PLPP1: variants seen among roughly 807,000 people sequenced by gnomAD.
PLPP1 encodes the protein lipid phosphate phosphohydrolase 1a.
A neutral mutation model predicts 31.2 loss-of-function variants in PLPP1; 24 were observed. The observed-to-expected ratio is 0.77, with a 90% CI of 0.56 to 1.08. The LOEUF is 1.08. Among genes scored for constraint, PLPP1 ranks in the 50% least tolerant of loss-of-function variants. The pLI, the probability that PLPP1 is intolerant of heterozygous loss-of-function variation, is 0.00. For missense variants in PLPP1, 319 were observed against 342.7 expected (o/e 0.93, Z 0.55); for synonymous variants, 146 against 126.3 (o/e 1.16, Z -1.05).
intron 3 of PLPP1, among the ~76,000 whole-genome samples, chr5:55,454,980 T>C (rs947371313): frequency 2.6e-5 from 4 of 152,202 alleles, no homozygotes; most frequent in African/African-American, 7.2e-5. Flanking sequence ...TTTCCTATGA[T>C]AGAAGGCATT....
intron 1 of PLPP1, among the ~76,000 whole-genome samples, chr5:55,482,225 C>CACACAT (rs1255161391): frequency 2.0e-5 from 3 of 149,614 alleles, no homozygotes; most frequent in African/African-American, 4.9e-5. Flanking sequence ...CACACACACA[C>CACACAT]ATCTCCAGTC....
chr5:55,530,975 T>TCGATGCCCTACAACAA (rs1349927215), intron 1 of PLPP1, among the ~76,000 whole-genome samples: 1 of 151,340 alleles, frequency 6.6e-6, no homozygotes, highest in African/African-American at 2.5e-5. Context: ...GGCCCGGGGC[T>TCGATGCCCTACAACAA]CGATGCCCTA....
At chr5:55,479,287 A>C (rs552312815) in intron 1 of PLPP1, among the ~76,000 whole-genome samples, 89 of 152,316 alleles carry the variant, frequency 5.8e-4, no homozygotes, top group African/African-American at 2.0e-3. Context: ...TTAGTCTCCC[A>C]AAGTGCTGGG....
chr5:55,459,631 C>T (rs1752107665), intron 3 of PLPP1, among the ~76,000 whole-genome samples: 2 of 152,110 alleles, frequency 1.3e-5, no homozygotes, highest in Admixed American at 6.6e-5. Flanking sequence ...AATTAGAAAT[C>T]GATGACAGAA....
At chr5:55,532,366 A>T (rs963242469) in intron 1 of PLPP1, among the ~76,000 whole-genome samples, 1 of 152,184 alleles carries the variant, frequency 6.6e-6, no homozygotes. Flanking sequence ...TTACAAATTG[A>T]TCGAACTCCC....
chr5:55,524,449 C>T (rs1377262246), intron 1 of PLPP1, among the ~76,000 whole-genome samples: 2 of 152,090 alleles, frequency 1.3e-5, no homozygotes, highest in Non-Finnish European at 2.9e-5. Flanking sequence ...CCTGTTTAAT[C>T]GCCAAGAGCA....
At chr5:55,458,709 G>A (rs1177466616) in intron 3 of PLPP1, among the ~76,000 whole-genome samples, 1 of 151,622 alleles carries the variant, frequency 6.6e-6, no homozygotes, top group African/African-American at 2.4e-5. Flanking sequence ...CCAACATGGT[G>A]AAACCCCATC....
chr5:55,425,751 G>T, intron 5 of PLPP1, 112 bp downstream of exon 5: 2 of 968,828 alleles, frequency 2.1e-6, no homozygotes, highest in Non-Finnish European at 3.0e-6. Context: ...TGAGATTCTT[G>T]CCCACTGCAT....
At chr5:55,467,455 G>A (rs1307918976) in intron 3 of PLPP1, among the ~76,000 whole-genome samples, 3 of 151,690 alleles carry the variant, frequency 2.0e-5, no homozygotes, top group Non-Finnish European at 4.4e-5. Flanking sequence ...GGAGGCCAAG[G>A]TGGAAGGATC....
chr5:55,496,618 T>C (rs1753008480), intron 1 of PLPP1, among the ~76,000 whole-genome samples: 1 of 152,224 alleles, frequency 6.6e-6, no homozygotes, highest in African/African-American at 2.4e-5. Flanking sequence ...CTTCAAATTA[T>C]CCAGCTTGAA....
rs535189038 is a variant in PLPP1, at chr5:55,490,410, A to C, written c.59-14960T>G. Among the ~76,000 whole-genome samples the C allele has an allele frequency of 2.0e-5, 3 of 152,170 alleles. No homozygotes were observed. The South Asian group carries it at 6.2e-4, about 32-fold the overall frequency. On this transcript the variant is annotated intron_variant, in intron 1 of 5. Coordinates refer to ENST00000307259, the MANE Select transcript of PLPP1 (RefSeq NM_003711.4). ...GGTGATCAGCCCATCTCGGCCTCCC[A>C]AAGTGCTGGGATTACAGGTGTGAGC...
At chr5:55,458,854 C>T (rs555891738) in intron 3 of PLPP1, among the ~76,000 whole-genome samples, 36 of 127,410 alleles carry the variant, frequency 2.8e-4, no homozygotes, top group African/African-American at 1.1e-3. Flanking sequence ...TGCCACTGCA[C>T]TCCAGTCTGG....
chr5:55,481,633 T>G (rs562924780), intron 1 of PLPP1, among the ~76,000 whole-genome samples: 1 of 152,162 alleles, frequency 6.6e-6, no homozygotes, highest in African/African-American at 2.4e-5. Flanking sequence ...ACCCACGGAA[T>G]AGAAAGAACT....
At chr5:55,437,899 A>C (rs1175871510) in intron 4 of PLPP1, among the ~76,000 whole-genome samples, 2 of 152,244 alleles carry the variant, frequency 1.3e-5, no homozygotes, top group African/African-American at 4.8e-5. Context: ...GCTAGGAGGT[A>C]TACAGTGAAT....
intron 2 of PLPP1, 114 bp downstream of exon 2, chr5:55,475,185 T>A: frequency 1.0e-6 from 1 of 982,762 alleles, no homozygotes; most frequent in Non-Finnish European, 1.4e-6. Context: ...CAATTAAAGG[T>A]TTAAAAAGCA....
intron 1 of PLPP1, among the ~76,000 whole-genome samples, chr5:55,523,886 T>C (rs1412670779): frequency 6.6e-6 from 1 of 152,200 alleles, no homozygotes; most frequent in African/African-American, 2.4e-5. Flanking sequence ...TCATTGAGAC[T>C]GCTATCCCCA....
At chr5:55,447,985 C>T (rs6861980) in intron 3 of PLPP1, among the ~76,000 whole-genome samples, 130,868 of 152,186 alleles carry the variant, frequency 0.86, 56,656 homozygotes, top group South Asian at 0.92. Context: ...TATATAACAG[C>T]AGATTAACCT....
chr5:55,512,415 G>C (rs1164754288), intron 1 of PLPP1, among the ~76,000 whole-genome samples: 1 of 150,888 alleles, frequency 6.6e-6, no homozygotes, highest in Non-Finnish European at 1.5e-5. Context: ...AGGTTGTAGT[G>C]AGCTGAGATT....
intron 1 of PLPP1, among the ~76,000 whole-genome samples, chr5:55,532,786 G>A (rs1362209280): frequency 3.3e-5 from 5 of 151,934 alleles, no homozygotes; most frequent in African/African-American, 7.3e-5. Context: ...GTGAAACCCC[G>A]TCTCTACTAA....
Sources: gnomAD v4.1 joint callset for allele counts (sites outside exome capture counted in the v4.1 genomes callset) on GRCh38, gnomAD v4.1.1 for gene constraint, MANE v1.5 for transcripts, NCBI Gene and HGNC (gene_info 2026-07-23, HGNC 2026-07-21) for gene names.